Variants in ZFHX3 observed in about 807,000 individuals in gnomAD.
The protein encoded by ZFHX3 is zinc finger homeobox protein 3.
In ZFHX3, 42 loss-of-function variants were observed where a neutral mutation model predicts 279.1. That is an observed-to-expected ratio of 0.15 (90% confidence interval 0.12 to 0.19). The LOEUF (loss-of-function observed/expected upper bound fraction) is 0.19, where lower values mean the gene tolerates loss of function less well. ZFHX3 is among the 10% of genes least tolerant of loss of function. The probability of loss-of-function intolerance (pLI) is 1.00; values close to 1 mark genes in which losing one functional copy is unlikely to be tolerated. For missense variants in ZFHX3, 4,981 were observed against 4,754.0 expected (o/e 1.05, Z -1.40); for synonymous variants, 2,293 against 1,957.8 (o/e 1.17, Z -4.52).
chr16:73,203,821 C>G lies in ZFHX3; in HGVS notation c.-1104+53226G>C, dbSNP rs139121367. ...AATGCTCAGTGGTACCTGGGCATGA[C>G]TCCCATTTGAGCCAGTGACAATTGT... On this transcript the variant is annotated intron_variant, in intron 5 of 17. Transcript: ENST00000641206. 1.0e-3 allele frequency among the ~76,000 whole-genome samples: 157 copies of G among 152,302 alleles called. 2 individuals are homozygous for G. The highest frequency in any genetic ancestry group is 3.5e-3 in the African/African-American group (145 of 41,566).
chr16:73,362,661 G>T (rs968393280), intron 3 of ZFHX3, among the ~76,000 whole-genome samples: 8 of 152,186 alleles, frequency 5.3e-5, no homozygotes, highest in African/African-American at 1.9e-4. Flanking sequence ...ATAAGACAAG[G>T]CAGGGCAAAC....
rs986675991 is a variant in ZFHX3, at chr16:72,889,717, G to C, written c.3448+14C>G. ...GGCCCAACCTGGGCCTCCCATGCCT[G>C]TGAGACCACTCACCTGGGTCCGTGG... is the stretch of plus-strand genomic sequence containing the variant. On this transcript the variant is annotated intron_variant, in intron 4 of 9. Transcript: ENST00000268489. 1 of 1,610,832 alleles carries C rather than the reference G, an allele frequency of 6.2e-7. No individual in the cohort carries two copies. Among genetic ancestry groups the C allele is most frequent in the African/African-American group, 1.3e-5 (1 of 74,940 alleles).
At chr16:73,406,662 T>A (rs1448702979) in intron 3 of ZFHX3, among the ~76,000 whole-genome samples, 1 of 152,146 alleles carries the variant, frequency 6.6e-6, no homozygotes, top group African/African-American at 2.4e-5. Flanking sequence ...TAAAATACTC[T>A]CCTGCCCAAA....
upstream of ZFHX3, chr16:73,059,789 C>T (rs1965658068): frequency 6.6e-6 from 1 of 152,046 alleles, no homozygotes. Context: ...TTAACACATA[C>T]CATAGACTAG....
intron 2 of ZFHX3, among the ~76,000 whole-genome samples, chr16:73,614,479 A>G (rs1292521653): frequency 6.6e-6 from 1 of 152,182 alleles, no homozygotes; most frequent in Non-Finnish European, 1.5e-5. Context: ...CTTGAGTAAA[A>G]GCTTAAAATA....
chr16:73,811,627 A>G (rs1960429423), intron 1 of ZFHX3, among the ~76,000 whole-genome samples: 1 of 151,702 alleles, frequency 6.6e-6, no homozygotes, highest in South Asian at 2.1e-4. Context: ...TTGTATTTTT[A>G]ATAGAGATGG....
At chr16:73,835,200 G>T (rs150579335) in intron 1 of ZFHX3, among the ~76,000 whole-genome samples, 2 of 152,128 alleles carry the variant, frequency 1.3e-5, no homozygotes, top group African/African-American at 4.8e-5. Context: ...TGTGAGATGG[G>T]GAAGTAAATT....
chr16:73,590,002 T>C (rs1161994902), intron 2 of ZFHX3, among the ~76,000 whole-genome samples: 1 of 152,166 alleles, frequency 6.6e-6, no homozygotes, highest in Non-Finnish European at 1.5e-5. Flanking sequence ...CTGTTTTCAG[T>C]AATTGTATTG....
intron 9 of ZFHX3, chr16:72,790,193 C>A (rs1339404412): frequency 6.6e-6 from 1 of 152,322 alleles, no homozygotes; most frequent in Non-Finnish European, 1.5e-5. Context: ...TTGAGACTAG[C>A]AAGATAGTAG....
intron 3 of ZFHX3, among the ~76,000 whole-genome samples, chr16:73,397,106 C>A (rs2017146071): frequency 6.6e-6 from 1 of 152,188 alleles, no homozygotes; most frequent in Non-Finnish European, 1.5e-5. Context: ...TTTGTCATAG[C>A]CTTTGTTACT....
intron 7 of ZFHX3, among the ~76,000 whole-genome samples, chr16:72,808,514 T>C (rs183616006): frequency 6.6e-6 from 1 of 152,374 alleles, no homozygotes; most frequent in East Asian, 1.9e-4. Context: ...AAAATACTTA[T>C]ATGATTACAT....
intron 1 of ZFHX3, among the ~76,000 whole-genome samples, chr16:73,727,915 C>T (rs190433954): frequency 1.3e-5 from 2 of 151,772 alleles, no homozygotes; most frequent in Admixed American, 6.6e-5. Flanking sequence ...TCTTCCAGGG[C>T]TACACTGTGT....
intron 1 of ZFHX3, among the ~76,000 whole-genome samples, chr16:73,026,477 G>A (rs1466391139): frequency 1.3e-5 from 2 of 151,870 alleles, no homozygotes; most frequent in East Asian, 3.9e-4. Context: ...TTCGAGACCA[G>A]CCTGACCAAC....
intron 5 of ZFHX3, among the ~76,000 whole-genome samples, chr16:73,168,211 T>TTTTCTCTCTTTCTTTC (rs1555502323): frequency 1.1e-5 from 1 of 95,222 alleles, no homozygotes; most frequent in African/African-American, 4.0e-5. Context: ...GTTTCTTTTG[T>TTTTCTCTCTTTCTTTC]TTTCTTTCTT....
intron 4 of ZFHX3, among the ~76,000 whole-genome samples, chr16:72,880,849 C>G (rs947900456): frequency 6.6e-6 from 1 of 152,166 alleles, no homozygotes; most frequent in Non-Finnish European, 1.5e-5. Context: ...CTGAAAAACA[C>G]ATCTTTACAA....
At chr16:73,100,299 C>T (rs560248776) in intron 7 of ZFHX3, among the ~76,000 whole-genome samples, 7 of 152,264 alleles carry the variant, frequency 4.6e-5, no homozygotes, top group African/African-American at 1.7e-4. Context: ...GCCCAAAGCC[C>T]ATGGTAAGTA....
At chr16:73,483,205 G>A (rs1427249932) in intron 2 of ZFHX3, 1 of 350,200 alleles carries the variant, frequency 2.9e-6, no homozygotes, top group Non-Finnish European at 5.5e-6. Context: ...AGAACGCGTG[G>A]GCCCCTGCTC....
intron 4 of ZFHX3, among the ~76,000 whole-genome samples, chr16:72,856,187 A>G (rs529716228): frequency 2.6e-5 from 4 of 152,360 alleles, no homozygotes; most frequent in African/African-American, 9.6e-5. Flanking sequence ...CACAGCGTGC[A>G]TGTAACTGTA....
intron 3 of ZFHX3, among the ~76,000 whole-genome samples, chr16:73,331,061 T>C (rs936472572): frequency 1.3e-5 from 2 of 152,182 alleles, no homozygotes; most frequent in Non-Finnish European, 2.9e-5. Context: ...AGAGGTTTAA[T>C]TGACTCACAG....
Sources: allele counts gnomAD v4.1 joint callset (sites outside exome capture counted in the v4.1 genomes callset), GRCh38; gene constraint gnomAD v4.1.1; transcripts MANE v1.5; gene names NCBI Gene and HGNC (gene_info 2026-07-23, HGNC 2026-07-21).